The following MEF2D variants were observed in gnomAD, a reference collection of about 807,000 sequenced individuals.
The protein encoded by MEF2D is myocyte enhancer factor 2D, also known as myocyte-specific enhancer factor 2D.
MEF2D carries 10 observed loss-of-function variants against 59.3 expected under a neutral mutation model. That is an observed-to-expected ratio of 0.17 (90% CI 0.10 to 0.29). The LOEUF is 0.29. Ranked by LOEUF, MEF2D falls within the 10% of genes least tolerant of loss-of-function variation. The probability of loss-of-function intolerance (pLI) is 1.00; values close to 1 mark genes in which losing one functional copy is unlikely to be tolerated. For missense variants in MEF2D, 508 were observed against 699.4 expected (o/e 0.73, Z 3.09); for synonymous variants, 305 against 295.0 (o/e 1.03, Z -0.35).
In MEF2D at chr1:156,477,178, G is replaced by A; in HGVS notation, c.689C>T (p.Ala230Val). ...GGCCACAGGGAGGAGGCCAGGGGAAGCCCGAGCACTGACGTAGCCATTCCC... is the reference window on the plus strand; with the variant it reads ...GGCCACAGGGAGGAGGCCAGGGGAAACCCGAGCACTGACGTAGCCATTCCC... ...PVGNGYVSAR[A>V]SPGLLPVANG... is the part of the protein sequence containing the mutation. Residue 230 changes from alanine (A) to valine (V), a missense_variant, in exon 7 of 12, where the codon GCT becomes GTT. Transcript: ENST00000348159. The A allele has an allele frequency of 6.2e-7, 1 of 1,610,406 alleles. No individual in the cohort carries two copies. Among genetic ancestry groups the A allele is most frequent in the South Asian group, 1.1e-5 (1 of 90,668 alleles).
intron 7 of MEF2D, 126 bp downstream of exon 7, chr1:156,476,886 C>T (rs937918503): frequency 1.1e-5 from 13 of 1,163,276 alleles, no homozygotes; most frequent in Non-Finnish European, 1.5e-5. Context: ...GCCATGGTTC[C>T]AAGATTTATC....
At chr1:156,495,176 TG>T (rs1217191095) in intron 1 of MEF2D, among the ~76,000 whole-genome samples, 2 of 152,180 alleles carry the variant, frequency 1.3e-5, no homozygotes, top group Non-Finnish European at 2.9e-5. Context: ...GCTGATTCTC[TG>T]CCCTCTGCTG....
Position 156,463,938 on chromosome 1 carries a change from AG to A in MEF2D, c.*3706del, listed in dbSNP as rs1419210691. ...TTGGACTCGCCCTGCCCCAGGACCCAGGAAGAGCCCCAGGAGTGTGGGTGAT... is the reference window on the plus strand; with the variant it reads ...TTGGACTCGCCCTGCCCCAGGACCCAGAAGAGCCCCAGGAGTGTGGGTGAT... On this transcript the variant is annotated 3_prime_UTR_variant, in exon 12 of 12. Transcript: ENST00000348159. 1 of 152,672 alleles carries A rather than the reference AG, an allele frequency of 6.5e-6. No homozygotes were observed. The highest frequency in any genetic ancestry group is 1.5e-5 in the Non-Finnish European group (1 of 68,050). 9.5% of individuals were successfully genotyped at this position (152,672 alleles called of 1,614,324 possible).
chr1:156,479,857 T>G, intron 4 of MEF2D, 61 bp from the exon 5 acceptor site: 1 of 1,490,338 alleles, frequency 6.7e-7, no homozygotes, highest in East Asian at 2.5e-5. Context: ...GGAGTCCACT[T>G]TTCCTGGGAG....
Position 156,479,770 on chromosome 1 carries a change from G to T in MEF2D, c.423C>A (p.Ala141=). 2 of 1,551,662 alleles carry T rather than the reference G, an allele frequency of 1.3e-6. No individual in the cohort carries two copies. Among genetic ancestry groups the T allele is most frequent in the Non-Finnish European group, 8.7e-7 (1 of 1,146,970 alleles). ...YGSTVPAPNF[A]MPVTVPVSNQ... The stretch of plus-strand genomic sequence containing the variant: ...TGGACACGGGCACCGTGACAGGCAT[G>T]GCAAAGTTGGGGGCCGGGACAGTTG... The change falls in exon 5 of 12, where the codon GCC becomes GCA. Residue 141 remains alanine (A), a synonymous_variant. Transcript: ENST00000348159.
Position 156,468,917 on chromosome 1 carries a change from GGGCTGCTGT to G in MEF2D, c.1101_1109del (p.Gln375_Gln377del). The G allele has an allele frequency of 6.2e-7, 1 of 1,613,450 alleles. No individual in the cohort carries two copies. The highest frequency in any genetic ancestry group is 8.5e-7 in the Non-Finnish European group (1 of 1,179,734). On this transcript the variant is annotated inframe_deletion, in exon 10 of 12. Coordinates refer to ENST00000348159, the MANE Select transcript of MEF2D (RefSeq NM_005920.4). The surrounding 1 kb of genome is among the most constrained non-coding windows in gnomAD (Gnocchi z 4.3). ...GAGGCTGTGGCTGCTGCGGCTGCTG[GGGCTGCTGT>G]GGCTGTTGCCAGGCAGTGACATTGC...
Position 156,483,159 on chromosome 1 carries a change from C to G in MEF2D, c.54+80G>C, listed in dbSNP as rs146500381. 2.8e-6 allele frequency: 4 copies of G among 1,449,582 alleles called. 1 individual carries two copies. The East Asian group carries it at 9.1e-5, about 33-fold the overall frequency. The allele number at this position is 1,449,582 out of a possible 1,614,324, so 89.8% of individuals were successfully genotyped here. On this transcript the variant is annotated intron_variant, in intron 2 of 11. Coordinates refer to ENST00000348159, the MANE Select transcript of MEF2D (RefSeq NM_005920.4). The stretch of plus-strand genomic sequence containing the variant: ...AGTTTCCCCTCTTCCACAAAGCCCT[C>G]TTGGAATGCCTGAAGGGAGTAGAGG...
chr1:156,467,858 G>A, intron 11 of MEF2D, 135 bp downstream of exon 11: 1 of 1,220,830 alleles, frequency 8.2e-7, no homozygotes, highest in Non-Finnish European at 1.1e-6. Context: ...TGTTGGTGCT[G>A]CCCTAGAAGG....
intron 9 of MEF2D, among the ~76,000 whole-genome samples, chr1:156,470,496 T>C (rs1449610050): frequency 1.3e-5 from 2 of 152,004 alleles, no homozygotes; most frequent in Non-Finnish European, 2.9e-5. Context: ...AGTGCTGTGA[T>C]AGGGAACGCA....
chr1:156,480,682 G>T, intron 4 of MEF2D, 152 bp downstream of exon 4: 1 of 1,579,046 alleles, frequency 6.3e-7, no homozygotes, highest in East Asian at 2.3e-5. Context: ...CAAACTCCTC[G>T]TCTATCTTTT....
chr1:156,466,259 T>C lies in MEF2D; in HGVS notation c.*1386A>G, dbSNP rs1006552327. 2.6e-5 allele frequency: 4 copies of C among 152,454 alleles called. No homozygotes were observed. The highest frequency in any genetic ancestry group is 4.4e-5 in the Non-Finnish European group (3 of 68,012). 9.4% of individuals were successfully genotyped at this position (152,454 alleles called of 1,614,324 possible). A position where few individuals can be genotyped will look rare whatever the true frequency, so the allele number is the denominator to read the frequency against. ...GAGTCATTATTATTACAATATACTT[T>C]GACAAAAATAGAATCTCATTTCATA... On this transcript the variant is annotated 3_prime_UTR_variant, in exon 12 of 12. Transcript: ENST00000348159.
intron 6 of MEF2D, among the ~76,000 whole-genome samples, chr1:156,477,806 C>T (rs1671717412): frequency 6.6e-6 from 1 of 152,202 alleles, no homozygotes; most frequent in Non-Finnish European, 1.5e-5. Context: ...ACAAGCCATT[C>T]ACTGTTGGTG....
intron 1 of MEF2D, among the ~76,000 whole-genome samples, chr1:156,500,013 A>C (rs1252989922): frequency 6.9e-6 from 1 of 145,476 alleles, no homozygotes; most frequent in Non-Finnish European, 1.5e-5. Context: ...CCGCCCTCCC[A>C]GGCCCCCTTC....
intron 9 of MEF2D, among the ~76,000 whole-genome samples, chr1:156,470,366 T>C (rs531029908): frequency 6.8e-6 from 1 of 147,304 alleles, no homozygotes; most frequent in African/African-American, 2.5e-5. Flanking sequence ...CTGCAATGAG[T>C]GGAGATCGCA....
chr1:156,482,196 G>C (rs1672067215), intron 3 of MEF2D, among the ~76,000 whole-genome samples: 1 of 152,240 alleles, frequency 6.6e-6, no homozygotes, highest in Non-Finnish European at 1.5e-5. Flanking sequence ...AGGGCAGGGT[G>C]GGTGTGGGCT....
chr1:156,472,835 G>A (rs1395237602), intron 9 of MEF2D, among the ~76,000 whole-genome samples: 5 of 151,696 alleles, frequency 3.3e-5, no homozygotes, highest in African/African-American at 7.3e-5. Flanking sequence ...TCAGCCTCCC[G>A]AGTAGCTGGG....
intron 1 of MEF2D, among the ~76,000 whole-genome samples, chr1:156,489,129 G>A (rs1387053751): frequency 6.6e-6 from 1 of 152,190 alleles, no homozygotes; most frequent in Non-Finnish European, 1.5e-5. Context: ...GGTGAGAAAG[G>A]GAGCTCTCAT....
In MEF2D at chr1:156,477,092, T is replaced by C. The variant is rs1571232183; in HGVS notation, c.775A>G (p.Thr259Ala). Residue 259 changes from threonine to alanine, a missense_variant, in exon 7 of 12, where the codon ACC becomes GCC. This residue lies in a region of MEF2D where 481 missense variants were observed against 584.7 expected (regional missense o/e 0.82). Transcript: ENST00000348159. ...AKSPPPPTHSTQLGAPSRKPD... is the reference protein window; with the variant it reads ...AKSPPPPTHSAQLGAPSRKPD... Reference sequence around the variant, plus strand: ...TTGCGGCTGGGGGCTCCAAGCTGGGTGCTGTGGGTAGGTGGGGGTGGAGAC... The same window carrying C: ...TTGCGGCTGGGGGCTCCAAGCTGGGCGCTGTGGGTAGGTGGGGGTGGAGAC... The C allele has an allele frequency of 6.2e-7, 1 of 1,613,574 alleles. No individual in the cohort carries two copies. Among genetic ancestry groups the C allele is most frequent in the South Asian group, 1.1e-5 (1 of 91,056 alleles).
chr1:156,494,497 G>T (rs960101375), intron 1 of MEF2D, among the ~76,000 whole-genome samples: 1 of 152,042 alleles, frequency 6.6e-6, no homozygotes, highest in Non-Finnish European at 1.5e-5. Flanking sequence ...GGGAGGGCTG[G>T]GCTCAGCTTC....
Sources: gnomAD v4.1 joint callset for allele counts (sites outside exome capture counted in the v4.1 genomes callset) on GRCh38, gnomAD v4.1.1 for gene constraint, gnomAD v4.1.1 regional missense constraint, Gnocchi (gnomAD v3.1) non-coding constraint, MANE v1.5 for transcripts, NCBI Gene and HGNC (gene_info 2026-07-23, HGNC 2026-07-21) for gene names.